The following CSGALNACT1 variants were observed in gnomAD, a reference collection of about 807,000 sequenced individuals.
CSGALNACT1 encodes beta4GalNAcT-1.
In CSGALNACT1, 52 loss-of-function variants were observed where a neutral mutation model predicts 51.0. That is an observed-to-expected ratio of 1.02 (90% confidence interval 0.82 to 1.29). The LOEUF (loss-of-function observed/expected upper bound fraction) is 1.29, where lower values mean the gene tolerates loss of function less well. Among genes scored for constraint, CSGALNACT1 ranks in the 50% most tolerant of loss-of-function variants. CSGALNACT1 has a pLI of 0.00. For missense variants in CSGALNACT1, 935 were observed against 679.2 expected, an observed-to-expected ratio of 1.38 and a Z score of -4.19; for synonymous variants, 341 against 254.4, an observed-to-expected ratio of 1.34 and a Z score of -3.24.
chr8:19,481,093 T>C (rs941828189), intron 4 of CSGALNACT1, among the ~76,000 whole-genome samples: 2 of 152,204 alleles, frequency 1.3e-5, no homozygotes, highest in African/African-American at 2.4e-5. Flanking sequence ...TTAAAGGCTG[T>C]AATTAATCAG....
At chr8:19,587,532 A>G (rs2046916327) in intron 3 of CSGALNACT1, among the ~76,000 whole-genome samples, 1 of 152,222 alleles carries the variant, frequency 6.6e-6, no homozygotes, top group Non-Finnish European at 1.5e-5. Flanking sequence ...ACTAATAACT[A>G]TCAAGTTATG....
upstream of CSGALNACT1, among the ~76,000 whole-genome samples, chr8:19,604,928 AAAAAAAG>A (rs1564239564): frequency 6.6e-6 from 1 of 150,494 alleles, no homozygotes; most frequent in African/African-American, 2.4e-5. Flanking sequence ...AAAAAAAAAA[AAAAAAAG>A]TAAGTATGGG....
At chr8:19,617,864 GT>G (rs1230877555) in intron 1 of CSGALNACT1, among the ~76,000 whole-genome samples, 1 of 152,106 alleles carries the variant, frequency 6.6e-6, no homozygotes, top group Non-Finnish European at 1.5e-5. Context: ...CTTAATAAAA[GT>G]CATTATATTC....
chr8:19,428,825 A>ATGTGTGTGTGTG (rs59241616), intron 6 of CSGALNACT1, among the ~76,000 whole-genome samples: 13 of 143,460 alleles, frequency 9.1e-5, no homozygotes, highest in Middle Eastern at 3.5e-3. Flanking sequence ...AAGACATGAT[A>ATGTGTGTGTGTG]TGTGTGTGTG....
intron 1 of CSGALNACT1, among the ~76,000 whole-genome samples, chr8:19,643,411 A>T (rs1245058839): frequency 6.6e-6 from 1 of 152,142 alleles, no homozygotes; most frequent in African/African-American, 2.4e-5. Context: ...CCAAGGCAGT[A>T]GGATGACTTG....
At chr8:19,445,269 G>C (rs981192460) in intron 5 of CSGALNACT1, among the ~76,000 whole-genome samples, 1 of 152,170 alleles carries the variant, frequency 6.6e-6, no homozygotes, top group Non-Finnish European at 1.5e-5. Flanking sequence ...CACACACACA[G>C]GGCCAAGTGC....
chr8:19,728,462 C>T (rs569082699), intron 1 of CSGALNACT1, among the ~76,000 whole-genome samples: 16 of 152,292 alleles, frequency 1.1e-4, no homozygotes, highest in African/African-American at 3.8e-4. Flanking sequence ...CAAAGAAATG[C>T]TTCAACTCAC....
intron 5 of CSGALNACT1, among the ~76,000 whole-genome samples, chr8:19,452,546 A>G (rs2063366477): frequency 6.6e-6 from 1 of 152,166 alleles, no homozygotes; most frequent in African/African-American, 2.4e-5. Flanking sequence ...AGCTGATGAC[A>G]TATATGCATC....
intron 1 of CSGALNACT1, among the ~76,000 whole-genome samples, chr8:19,667,450 A>C (rs1460300090): frequency 6.6e-6 from 1 of 152,142 alleles, no homozygotes; most frequent in South Asian, 2.1e-4. Flanking sequence ...AACAAAAATC[A>C]AGACATTATT....
At chr8:19,441,324 C>A (rs776829381) in intron 5 of CSGALNACT1, among the ~76,000 whole-genome samples, 1 of 152,180 alleles carries the variant, frequency 6.6e-6, no homozygotes, top group African/African-American at 2.4e-5. Context: ...AACTATACCA[C>A]AAGGCTACAG....
intron 4 of CSGALNACT1, among the ~76,000 whole-genome samples, chr8:19,482,530 C>CG: frequency 6.6e-6 from 1 of 152,138 alleles, no homozygotes; most frequent in Non-Finnish European, 1.5e-5. Flanking sequence ...TCTCAATATT[C>CG]GATGCTAATG....
At chr8:19,487,332 G>A (rs568560157) in intron 4 of CSGALNACT1, among the ~76,000 whole-genome samples, 10 of 152,178 alleles carry the variant, frequency 6.6e-5, no homozygotes, top group Admixed American at 1.3e-4. Context: ...ATAAAATGTC[G>A]TCTTTCTCTT....
upstream of CSGALNACT1, among the ~76,000 whole-genome samples, chr8:19,687,188 C>A (rs182633460): frequency 6.6e-6 from 1 of 152,234 alleles, no homozygotes; most frequent in East Asian, 1.9e-4. Flanking sequence ...ACATCGAGAC[C>A]TCAAAACCAC....
In CSGALNACT1 at chr8:19,404,709, C is replaced by T. The variant is rs1464570788; in HGVS notation, c.*1071G>A. 12 of 454,250 alleles carry T rather than the reference C, an allele frequency of 2.6e-5. No individual in the cohort carries two copies. The Middle Eastern group carries it at 2.0e-3, about 78-fold the overall frequency. 28.1% of individuals were successfully genotyped at this position (454,250 alleles called of 1,614,324 possible). Reference sequence around the variant, plus strand: ...GAGATTGTTTGGTTCACACGGTATACTTTGGTTTATTTAAACAGGTAAGAA... The same window carrying T: ...GAGATTGTTTGGTTCACACGGTATATTTTGGTTTATTTAAACAGGTAAGAA... On this transcript the variant is annotated 3_prime_UTR_variant, in exon 10 of 10. Transcript: ENST00000454498.
At chr8:19,747,931 G>A (rs547943718) in intron 1 of CSGALNACT1, among the ~76,000 whole-genome samples, 3 of 152,262 alleles carry the variant, frequency 2.0e-5, no homozygotes, top group South Asian at 4.1e-4. Context: ...AAAGATGAAA[G>A]AAATCTCCCT....
chr8:19,448,869 A>T (rs2062600166), intron 5 of CSGALNACT1, among the ~76,000 whole-genome samples: 1 of 152,238 alleles, frequency 6.6e-6, no homozygotes, highest in Admixed American at 6.5e-5. Flanking sequence ...CTCTATCTGT[A>T]GTCTTCTGTG....
At chr8:19,433,699 G>C (rs1312009806) in intron 6 of CSGALNACT1, among the ~76,000 whole-genome samples, 1 of 152,190 alleles carries the variant, frequency 6.6e-6, no homozygotes, top group Non-Finnish European at 1.5e-5. Flanking sequence ...ATGTTTTAAA[G>C]CAAGCTTGTC....
At chr8:19,754,106 C>T (rs1220642948) in intron 1 of CSGALNACT1, among the ~76,000 whole-genome samples, 1 of 152,088 alleles carries the variant, frequency 6.6e-6, no homozygotes, top group African/African-American at 2.4e-5. Flanking sequence ...CAGCTCAATG[C>T]AACCTCCGCC....
chr8:19,601,253 A>C (rs991712072), intron 2 of CSGALNACT1, among the ~76,000 whole-genome samples: 6 of 152,224 alleles, frequency 3.9e-5, no homozygotes, highest in Non-Finnish European at 7.3e-5. Context: ...AGAGCTCTAG[A>C]CAGTGTCCCT....
Sources: allele counts gnomAD v4.1 joint callset (sites outside exome capture counted in the v4.1 genomes callset), GRCh38; gene constraint gnomAD v4.1.1; transcripts MANE v1.5; gene names NCBI Gene and HGNC (gene_info 2026-07-23, HGNC 2026-07-21).